The following H6PD variants were observed in gnomAD, a reference collection of about 807,000 sequenced individuals.
The protein encoded by H6PD is hexose-6-phosphate dehydrogenase/glucose 1-dehydrogenase.
H6PD carries 48 observed loss-of-function variants against 61.2 expected under a neutral mutation model. The ratio of observed to expected loss-of-function variants is 0.78; its 90% CI spans 0.62 to 1.00. The LOEUF (loss-of-function observed/expected upper bound fraction) is 1.00, where lower values mean the gene tolerates loss of function less well. Ranked by LOEUF, H6PD falls within the 50% of genes least tolerant of loss-of-function variation. H6PD has a pLI of 0.00. For missense variants in H6PD, 1,093 were observed against 1,065.0 expected, an observed-to-expected ratio of 1.03 and a Z score of -0.37; for synonymous variants, 480 against 457.9, an observed-to-expected ratio of 1.05 and a Z score of -0.62.
At position 9,269,657 on chromosome 1, in the gene H6PD, G is replaced by A. The variant is rs1442763157; in HGVS notation, c.*4788G>A. 5 of 152,276 alleles carry A rather than the reference G, an allele frequency of 3.3e-5. No individual in the cohort carries two copies. Among genetic ancestry groups the A allele is most frequent in the Non-Finnish European group, 5.9e-5 (4 of 68,084 alleles). The allele number at this position is 152,276 out of a possible 1,614,324, so 9.4% of individuals were successfully genotyped here. ...GTGAGTTGGGCACTCCCTGTTGTTGGTTTTCCTTTTGCAGCACACTGGGCA... is the reference window on the plus strand; with the variant it reads ...GTGAGTTGGGCACTCCCTGTTGTTGATTTTCCTTTTGCAGCACACTGGGCA... On this transcript the variant is annotated 3_prime_UTR_variant, in exon 5 of 5. Transcript: ENST00000377403. This position sits in a 1 kb window ranked among gnomAD's most constrained non-coding sequence, Gnocchi z 4.3.
intron 3 of H6PD, among the ~76,000 whole-genome samples, chr1:9,256,584 C>A (rs1444612254): frequency 6.6e-6 from 1 of 152,152 alleles, no homozygotes; most frequent in Non-Finnish European, 1.5e-5. Flanking sequence ...AGGACTGGCG[C>A]CATGGACCCA....
At chr1:9,251,406 C>T (rs964128025) in intron 3 of H6PD, among the ~76,000 whole-genome samples, 2 of 151,732 alleles carry the variant, frequency 1.3e-5, no homozygotes, top group African/African-American at 4.9e-5. Flanking sequence ...CTCCTTGCTG[C>T]CCTAGTTTCC....
intron 1 of H6PD, among the ~76,000 whole-genome samples, chr1:9,241,886 A>T (rs189115386): frequency 6.6e-6 from 1 of 152,146 alleles, no homozygotes; most frequent in African/African-American, 2.4e-5. Context: ...GAGACTCCTC[A>T]CAGAACCTCC....
At chr1:9,244,836 C>T (rs1641110121) in intron 1 of H6PD, 89 bp from the exon 2 acceptor site, 1 of 1,210,844 alleles carries the variant, frequency 8.3e-7, no homozygotes, top group Non-Finnish European at 1.2e-6. Flanking sequence ...GGTTTCTTGC[C>T]AGGCAGGAAG....
At chr1:9,242,049 G>T (rs1319133972) in intron 1 of H6PD, among the ~76,000 whole-genome samples, 1 of 152,140 alleles carries the variant, frequency 6.6e-6, no homozygotes, top group Non-Finnish European at 1.5e-5. Context: ...AGACTGTTTC[G>T]AAACACCTGT....
At chr1:9,238,990 G>A (rs1640922326) in intron 1 of H6PD, among the ~76,000 whole-genome samples, 2 of 152,076 alleles carry the variant, frequency 1.3e-5, no homozygotes, top group South Asian at 4.1e-4. Context: ...TTAGTGAAAT[G>A]TAGTCAGATG....
intron 1 of H6PD, among the ~76,000 whole-genome samples, chr1:9,237,853 A>G (rs932159169): frequency 6.6e-6 from 1 of 152,218 alleles, no homozygotes; most frequent in Non-Finnish European, 1.5e-5. Context: ...TTGTTCATTT[A>G]GCAGATATTT....
At chr1:9,263,156 C>A (rs1483640418) in intron 4 of H6PD, among the ~76,000 whole-genome samples, 1 of 152,166 alleles carries the variant, frequency 6.6e-6, no homozygotes, top group African/African-American at 2.4e-5. Flanking sequence ...CCCTCAAATA[C>A]CTAAGAGTCA....
chr1:9,251,463 TTG>T (rs1334143159), intron 3 of H6PD, among the ~76,000 whole-genome samples: 5 of 151,548 alleles, frequency 3.3e-5, no homozygotes, highest in Non-Finnish European at 7.4e-5. Flanking sequence ...GTTGTTGTTG[TTG>T]TTGTTGTTAG....
chr1:9,244,464 G>A (rs993719710), intron 1 of H6PD, among the ~76,000 whole-genome samples: 2 of 152,208 alleles, frequency 1.3e-5, no homozygotes, highest in African/African-American at 4.8e-5. Flanking sequence ...GAAGAGGCAA[G>A]TGAGAGGAGG....
chr1:9,263,636 G>A lies in H6PD; in HGVS notation c.1143G>A (p.Gln381=), dbSNP rs1378481601. 4 of 1,614,248 alleles carry A rather than the reference G, an allele frequency of 2.5e-6. No homozygotes were observed. The highest frequency in any genetic ancestry group is 1.7e-5 in the Admixed American group (1 of 60,034). The stretch of plus-strand genomic sequence containing the variant: ...TCAAGAACCAGGCCTGCTGTGTGCA[G>A]AGCGAAAAGCACTGGGCCGCGGCGC... ...ILFKNQACCV[Q]SEKHWAAAQS... is the part of the protein sequence containing the mutation. The change falls in exon 5 of 5, where the codon CAG becomes CAA. Residue 381 remains glutamine (Q), a synonymous_variant. Transcript: ENST00000377403.
In H6PD at chr1:9,270,309, C is replaced by T. The variant is rs1479086070; in HGVS notation, c.*5440C>T. The T allele has an allele frequency of 1.3e-5, 2 of 152,520 alleles. No individual in the cohort carries two copies. The highest frequency in any genetic ancestry group is 2.9e-5 in the Non-Finnish European group (2 of 68,044). 9.4% of individuals were successfully genotyped at this position (152,520 alleles called of 1,614,324 possible). On this transcript the variant is annotated 3_prime_UTR_variant, in exon 5 of 5. Coordinates refer to ENST00000377403, the MANE Select transcript of H6PD (RefSeq NM_004285.4). ...GAAAGCTGTATGGAGTATATTTGAA[C>T]AGCTAGTAGTTAGCTTTGAAAGTGG...
intron 3 of H6PD, among the ~76,000 whole-genome samples, chr1:9,257,165 G>A (rs185062682): frequency 3.6e-4 from 54 of 151,122 alleles, no homozygotes; most frequent in Non-Finnish European, 6.9e-4. Context: ...TTGAGACAGG[G>A]TCTCATGCGG....
intron 1 of H6PD, chr1:9,242,883 G>C (rs56108736): frequency 0.25 from 242,498 of 985,072 alleles, 30,224 homozygotes; most frequent in East Asian, 0.44. Context: ...CTCTCCAGAC[G>C]AGCGATTGCC....
At chr1:9,260,800 C>T (rs991844177) in intron 3 of H6PD, among the ~76,000 whole-genome samples, 2 of 152,054 alleles carry the variant, frequency 1.3e-5, no homozygotes, top group African/African-American at 2.4e-5. Flanking sequence ...TTTATCGTCA[C>T]AGTTACCCCG....
Position 9,263,720 on chromosome 1 carries a change from C to A in H6PD, c.1227C>A (p.Ser409Arg), listed in dbSNP as rs1475306702. ...VFHIGHGDLG[S>R]PAVLVSRNLF... ...ACATCGGCCATGGCGACCTGGGCAG[C>A]CCTGCCGTGCTGGTCAGCAGGAACC... The change falls in exon 5 of 5, where the codon AGC becomes AGA. Residue 409 changes from serine to arginine, a missense_variant. Physicochemically the swap from Ser to Arg is moderately radical, Grantham distance 110. Coordinates refer to ENST00000377403, the MANE Select transcript of H6PD (RefSeq NM_004285.4). 6.2e-7 allele frequency: 1 copy of A among 1,613,996 alleles called. No homozygotes were observed. Among genetic ancestry groups the A allele is most frequent in the East Asian group, 2.2e-5 (1 of 44,882 alleles).
chr1:9,256,012 G>A (rs1641505637), intron 3 of H6PD, among the ~76,000 whole-genome samples: 1 of 152,222 alleles, frequency 6.6e-6, no homozygotes, highest in African/African-American at 2.4e-5. Flanking sequence ...GCCTGGGTTT[G>A]AAGCTATTTT....
intron 3 of H6PD, among the ~76,000 whole-genome samples, chr1:9,258,431 T>C (rs546073367): frequency 8.1e-4 from 124 of 152,348 alleles, no homozygotes; most frequent in Middle Eastern, 3.4e-3. Flanking sequence ...AATGTTGCTG[T>C]TGTTATGCTG....
chr1:9,264,371 C>T lies in H6PD; in HGVS notation c.1878C>T (p.Leu626=). The T allele has an allele frequency of 6.2e-7, 1 of 1,612,924 alleles. No homozygotes were observed. The highest frequency in any genetic ancestry group is 1.1e-5 in the South Asian group (1 of 91,086). ...LWLVDERCVP[L]SDPESNFQGL... ...TGGTTGACGAGCGCTGCGTCCCACT[C>T]TCAGACCCGGAGTCCAACTTCCAGG... The change falls in exon 5 of 5, where the codon CTC becomes CTT. Residue 626 remains leucine (L), a synonymous_variant. Coordinates refer to ENST00000377403, the MANE Select transcript of H6PD (RefSeq NM_004285.4).
Sources: allele counts gnomAD v4.1 joint callset (sites outside exome capture counted in the v4.1 genomes callset), GRCh38; gene constraint gnomAD v4.1.1; non-coding constraint Gnocchi (gnomAD v3.1); transcripts MANE v1.5; gene names NCBI Gene and HGNC (gene_info 2026-07-23, HGNC 2026-07-21).